Variants in BBS9 observed in about 807,000 individuals in gnomAD.
The protein encoded by BBS9 is protein PTHB1.
Under a neutral mutation model 117.7 loss-of-function variants are expected in BBS9, and 89 were observed. The ratio of observed to expected loss-of-function variants is 0.76; its 90% confidence interval spans 0.64 to 0.90. The LOEUF (loss-of-function observed/expected upper bound fraction) is 0.90. Among genes scored for constraint, BBS9 ranks in the 40% least tolerant of loss-of-function variants. The pLI is 0.00. For synonymous variants in BBS9, 379 were observed against 370.9 expected (o/e 1.02, Z -0.25); for missense variants, 982 against 1,042.2 (o/e 0.94, Z 0.80).
intron 17 of BBS9, among the ~76,000 whole-genome samples, chr7:33,374,660 G>T (rs1823486235): frequency 2.0e-5 from 3 of 152,088 alleles, no homozygotes; most frequent in Admixed American, 6.5e-5. Context: ...CCAGGACTTT[G>T]GGAGGTCGAG....
rs562629548 is a variant in BBS9 at position 33,149,054 on chromosome 7, CTATT to C, written c.112+2694_112+2697del. ...GGGGAGTGAGTGGGAGGTGGGGAGA[CTATT>C]TATGGCTCTTTAAAGAAACTTAGCT... On this transcript the variant is annotated intron_variant, in intron 2 of 22. Transcript: ENST00000242067. Among the ~76,000 whole-genome samples the C allele has an allele frequency of 1.3e-4, 20 of 152,102 alleles. No homozygotes were observed. In the South Asian group the frequency reaches 4.2e-3, roughly 32 times the overall value.
intron 1 of BBS9, among the ~76,000 whole-genome samples, chr7:33,137,134 C>T (rs1790613774): frequency 6.6e-6 from 1 of 152,076 alleles, no homozygotes; most frequent in Non-Finnish European, 1.5e-5. Context: ...GCCCAGAGTC[C>T]GGAGGGGACC....
chr7:33,562,652 G>A (rs955202087), intron 21 of BBS9, among the ~76,000 whole-genome samples: 4 of 152,206 alleles, frequency 2.6e-5, no homozygotes, highest in East Asian at 1.9e-4. Flanking sequence ...GAGGCTGGGC[G>A]CGGTGGCTCA....
chr7:33,142,338 C>T (rs1441569133), intron 1 of BBS9, among the ~76,000 whole-genome samples: 1 of 152,126 alleles, frequency 6.6e-6, no homozygotes, highest in Non-Finnish European at 1.5e-5. Context: ...AAAACCAGAG[C>T]AATGGCTAAC....
At chr7:33,229,906 C>G (rs1792002573) in intron 5 of BBS9, among the ~76,000 whole-genome samples, 1 of 152,128 alleles carries the variant, frequency 6.6e-6, no homozygotes, top group African/African-American at 2.4e-5. Context: ...TTTCTCTACA[C>G]CACTGCCAAC....
intron 19 of BBS9, among the ~76,000 whole-genome samples, chr7:33,473,442 G>A (rs1235492647): frequency 6.6e-6 from 1 of 151,598 alleles, no homozygotes; most frequent in Non-Finnish European, 1.5e-5. Context: ...TCCTGCCTCA[G>A]CCTCCCAACT....
intron 9 of BBS9, among the ~76,000 whole-genome samples, chr7:33,304,508 C>T (rs1011917332): frequency 5.3e-5 from 8 of 151,708 alleles, no homozygotes; most frequent in Admixed American, 1.3e-4. Context: ...GCCACCACCC[C>T]GTCTGGGATC....
intron 4 of BBS9, among the ~76,000 whole-genome samples, chr7:33,171,821 A>G (rs1254447258): frequency 3.9e-5 from 6 of 152,162 alleles, no homozygotes; most frequent in Non-Finnish European, 7.4e-5. Context: ...TTTTGAAAAT[A>G]TGACACAGGT....
intron 4 of BBS9, among the ~76,000 whole-genome samples, chr7:33,166,991 G>C (rs531203843): frequency 6.6e-6 from 1 of 152,326 alleles, no homozygotes; most frequent in South Asian, 2.1e-4. Flanking sequence ...GCAGATCAGA[G>C]CTGTTCCTAT....
intron 5 of BBS9, among the ~76,000 whole-genome samples, chr7:33,226,183 T>C (rs895115113): frequency 2.0e-5 from 3 of 152,236 alleles, no homozygotes; most frequent in African/African-American, 4.8e-5. Flanking sequence ...TTCCCCTTGA[T>C]AATTTGTGAC....
intron 9 of BBS9, among the ~76,000 whole-genome samples, chr7:33,279,839 A>C (rs1008333196): frequency 1.3e-5 from 2 of 152,238 alleles, no homozygotes; most frequent in Admixed American, 1.3e-4. Flanking sequence ...CCAGCATCTT[A>C]CTTCTGCTGT....
intron 19 of BBS9, among the ~76,000 whole-genome samples, chr7:33,401,577 G>C (rs1828927827): frequency 6.6e-6 from 1 of 152,132 alleles, no homozygotes; most frequent in Non-Finnish European, 1.5e-5. Context: ...GGGCTTCCAG[G>C]TCATAGGTGA....
chr7:33,525,056 G>T (rs1343780180), intron 20 of BBS9, among the ~76,000 whole-genome samples: 4 of 151,688 alleles, frequency 2.6e-5, no homozygotes, highest in African/African-American at 9.7e-5. Flanking sequence ...TAGTTGAGCG[G>T]TTTTGAGTGA....
In BBS9 at chr7:33,446,768, A is replaced by C. The variant is rs112604081; in HGVS notation, c.2115+58624A>C. On this transcript the variant is annotated intron_variant, in intron 19 of 22. Coordinates refer to ENST00000242067, the MANE Select transcript of BBS9 (RefSeq NM_198428.3). ...GTGAGTAGTGAGCAATATTAGCGAA[A>C]GAAATTGGGTTGTTTGCTTTTCCAT... Among the ~76,000 whole-genome samples the C allele has an allele frequency of 5.9e-3, 904 of 152,368 alleles. 13 individuals carry two copies. Among genetic ancestry groups the C allele is most frequent in the African/African-American group, 0.019 (808 of 41,596 alleles).
At chr7:33,250,520 T>C (rs572645525) in intron 5 of BBS9, among the ~76,000 whole-genome samples, 39 of 152,326 alleles carry the variant, frequency 2.6e-4, no homozygotes, top group African/African-American at 8.9e-4. Context: ...TGGCTTTTTC[T>C]GGACTGTTCT....
chr7:33,414,982 C>T (rs889174713), intron 19 of BBS9, among the ~76,000 whole-genome samples: 3 of 152,036 alleles, frequency 2.0e-5, no homozygotes, highest in African/African-American at 7.2e-5. Context: ...AGCCTAATAC[C>T]TAAAACAACA....
chr7:33,172,467 G>T (rs530495135), intron 4 of BBS9, among the ~76,000 whole-genome samples: 1 of 151,956 alleles, frequency 6.6e-6, no homozygotes, highest in Admixed American at 6.6e-5. Flanking sequence ...AAATCCAGAG[G>T]CTCTAAACCA....
upstream of BBS9, chr7:33,129,465 C>G (rs78316869): frequency 0.012 from 2,657 of 214,788 alleles, 78 homozygotes; most frequent in African/African-American, 0.058. Flanking sequence ...TCTCAGAAGT[C>G]GGTCCCCGCC....
chr7:33,584,977 A>G (rs565751172), intron 21 of BBS9, among the ~76,000 whole-genome samples: 12 of 152,178 alleles, frequency 7.9e-5, no homozygotes, highest in African/African-American at 2.9e-4. Flanking sequence ...AATTTTCCCA[A>G]CTTTCAGAAG....
Sources: allele counts gnomAD v4.1 joint callset (sites outside exome capture counted in the v4.1 genomes callset), GRCh38; gene constraint gnomAD v4.1.1; transcripts MANE v1.5; gene names NCBI Gene and HGNC (gene_info 2026-07-23, HGNC 2026-07-21).